GLS: variants seen among roughly 807,000 people sequenced by gnomAD.
GLS encodes the protein glutaminase.
In GLS, 36 loss-of-function variants were observed where a neutral mutation model predicts 86.7. The ratio of observed to expected loss-of-function variants is 0.42; its 90% CI spans 0.32 to 0.55. The LOEUF (loss-of-function observed/expected upper bound fraction) is 0.55. Ranked by LOEUF, GLS falls within the 20% of genes least tolerant of loss-of-function variation. The pLI, the probability that GLS is intolerant of heterozygous loss-of-function variation, is 0.17. For missense variants in GLS, 528 were observed against 833.4 expected (o/e 0.63, Z 4.51); for synonymous variants, 317 against 305.9 (o/e 1.04, Z -0.38).
At chr2:190,952,355 G>A (rs1052632658) in intron 14 of GLS, among the ~76,000 whole-genome samples, 11 of 152,190 alleles carry the variant, frequency 7.2e-5, no homozygotes, top group African/African-American at 2.2e-4. Flanking sequence ...CTGTACTGCA[G>A]ACCTTTACAG....
chr2:190,902,410 T>G (rs182117141), intron 5 of GLS, among the ~76,000 whole-genome samples: 1 of 152,302 alleles, frequency 6.6e-6, no homozygotes, highest in Non-Finnish European at 1.5e-5. Flanking sequence ...TCTTTGTTCC[T>G]TGTGTTCCTG....
chr2:190,930,870 A>G lies in GLS; in HGVS notation c.1557+302A>G, dbSNP rs1690087465. Among the ~76,000 whole-genome samples the G allele has an allele frequency of 6.6e-6, 1 of 152,244 alleles. No individual in the cohort carries two copies. The highest frequency in any genetic ancestry group is 2.4e-5 in the African/African-American group (1 of 41,474). The stretch of plus-strand genomic sequence containing the variant: ...TATTAAACTTGGAGAAGTAATTTAA[A>G]AGCCAGTATATCTTAAGAATTATTT... On this transcript the variant is annotated intron_variant, in intron 13 of 17. Coordinates refer to ENST00000320717, the MANE Select transcript of GLS (RefSeq NM_014905.5). This position sits in a 1 kb window ranked among gnomAD's most constrained non-coding sequence, Gnocchi z 5.0.
At chr2:190,900,081 T>C (rs773148079) in intron 3 of GLS, among the ~76,000 whole-genome samples, 1 of 152,162 alleles carries the variant, frequency 6.6e-6, no homozygotes, top group Non-Finnish European at 1.5e-5. Context: ...AAAGTTGATA[T>C]AATTAAGGAA....
Position 190,956,096 on chromosome 2 carries a change from C to T in GLS, c.1853+1278C>T, listed in dbSNP as rs1271858539. Among the ~76,000 whole-genome samples the T allele has an allele frequency of 6.6e-6, 1 of 152,144 alleles. No homozygotes were observed. Among genetic ancestry groups the T allele is most frequent in the African/African-American group, 2.4e-5 (1 of 41,416 alleles). Reference sequence around the variant, plus strand: ...TGCCTGTTCGCCCTGATGATAGTTTCTTTTGCTGTGCAGAAGCTCTTTAGT... The same window carrying T: ...TGCCTGTTCGCCCTGATGATAGTTTTTTTTGCTGTGCAGAAGCTCTTTAGT... On this transcript the variant is annotated intron_variant, in intron 17 of 17. Coordinates refer to ENST00000320717, the MANE Select transcript of GLS (RefSeq NM_014905.5). This position sits in a 1 kb window ranked among gnomAD's most constrained non-coding sequence, Gnocchi z 4.2.
At position 190,951,637 on chromosome 2, in the gene GLS, TTCTG is replaced by T. The variant is rs1319808932; in HGVS notation, c.1651-1922_1651-1919del. On this transcript the variant is annotated intron_variant, in intron 14 of 17. Transcript: ENST00000320717. This position sits in a 1 kb window ranked among gnomAD's most constrained non-coding sequence, Gnocchi z 4.2. ...TTTTAGCAAAGTTGTAGTTAGGATC[TTCTG>T]TCTGTTTTTAGGGGTCTCCACTGGT... Among the ~76,000 whole-genome samples, 1 of 152,192 alleles carries T rather than the reference TTCTG, an allele frequency of 6.6e-6. No homozygotes were observed. The highest frequency in any genetic ancestry group is 1.5e-5 in the Non-Finnish European group (1 of 68,034).
rs1346399796 is a variant in GLS at position 190,954,411 on chromosome 2, G to C, written c.1713-173G>C. ...CAAAGCTGAGGAAGAGAGGTGAAGT[G>C]GCATCTACCCAAAACACCTGTGTAC... On this transcript the variant is annotated intron_variant, in intron 15 of 17. Coordinates refer to ENST00000320717, the MANE Select transcript of GLS (RefSeq NM_014905.5). The surrounding 1 kb of genome is among the most constrained non-coding windows in gnomAD (Gnocchi z 4.0). Among the ~76,000 whole-genome samples, 1 of 152,114 alleles carries C rather than the reference G, an allele frequency of 6.6e-6. No individual in the cohort carries two copies. The highest frequency in any genetic ancestry group is 1.5e-5 in the Non-Finnish European group (1 of 68,024).
chr2:190,923,925 C>T lies in GLS; in HGVS notation c.1139C>T (p.Ser380Phe). ...YVGFSNATFQ[S>F]ERESGDRNFA... ...TTTTTTTCTTCTTCCAGGTTTCAGTCTGAAAGAGAAAGTGGAGATCGAAAT... is the reference window on the plus strand; with the variant it reads ...TTTTTTTCTTCTTCCAGGTTTCAGTTTGAAAGAGAAAGTGGAGATCGAAAT... The change falls in exon 10 of 18, where the codon TCT becomes TTT. Residue 380 changes from serine to phenylalanine, a missense_variant. Transcript: ENST00000320717. The T allele has an allele frequency of 6.4e-7, 1 of 1,562,002 alleles. No homozygotes were observed. The highest frequency in any genetic ancestry group is 8.8e-7 in the Non-Finnish European group (1 of 1,141,052).
chr2:190,957,954 A>G (rs1003209152), intron 17 of GLS, among the ~76,000 whole-genome samples: 1 of 151,954 alleles, frequency 6.6e-6, no homozygotes, highest in African/African-American at 2.4e-5. Context: ...TTCTTTTTCT[A>G]TTGTTTGGAA....
intron 9 of GLS, among the ~76,000 whole-genome samples, chr2:190,923,363 A>G (rs557594707): frequency 6.6e-6 from 1 of 152,154 alleles, no homozygotes; most frequent in Admixed American, 6.5e-5. Context: ...GTTACATCAG[A>G]ATATTTGCCA....
Position 190,949,630 on chromosome 2 carries a change from TTGTA to T in GLS, c.1651-3932_1651-3929del, listed in dbSNP as rs1434819724. ...ATCACTTGAACCCGAGAGGCGAAGG[TTGTA>T]TGAGCCGAGATCTTGCCACTGCACT... On this transcript the variant is annotated intron_variant, in intron 14 of 17. Coordinates refer to ENST00000320717, the MANE Select transcript of GLS (RefSeq NM_014905.5). The surrounding 1 kb of genome is among the most constrained non-coding windows in gnomAD (Gnocchi z 4.0). 6.6e-6 allele frequency among the ~76,000 whole-genome samples: 1 copy of T among 151,906 alleles called. No homozygotes were observed. The highest frequency in any genetic ancestry group is 2.4e-5 in the African/African-American group (1 of 41,350).
At chr2:190,925,775 C>T (rs542826270) in intron 11 of GLS, among the ~76,000 whole-genome samples, 2 of 152,238 alleles carry the variant, frequency 1.3e-5, no homozygotes, top group South Asian at 4.1e-4. Context: ...TCCAGACCAT[C>T]AATATAAAAT....
chr2:190,882,212 AG>A (rs1379917439), intron 1 of GLS, among the ~76,000 whole-genome samples: 1 of 152,214 alleles, frequency 6.6e-6, no homozygotes, highest in Non-Finnish European at 1.5e-5. Context: ...TAGAAATAAA[AG>A]TTAAATAGCC....
Position 190,913,992 on chromosome 2 carries a change from A to G in GLS, c.1038+3671A>G, listed in dbSNP as rs1055340403. Among the ~76,000 whole-genome samples the G allele has an allele frequency of 3.3e-5, 5 of 152,040 alleles. No homozygotes were observed. Among genetic ancestry groups the G allele is most frequent in the African/African-American group, 1.2e-4 (5 of 41,422 alleles). ...TTCTTTATAAAGCTAGGGTCTTGCC[A>G]TATTGCCCAGGCTGGTCCCAAACTC... is the stretch of plus-strand genomic sequence containing the variant. On this transcript the variant is annotated intron_variant, in intron 7 of 17. Coordinates refer to ENST00000320717, the MANE Select transcript of GLS (RefSeq NM_014905.5). The surrounding 1 kb of genome is among the most constrained non-coding windows in gnomAD (Gnocchi z 6.1).
At chr2:190,909,592 T>G (rs1689287151) in intron 6 of GLS, among the ~76,000 whole-genome samples, 2 of 152,216 alleles carry the variant, frequency 1.3e-5, no homozygotes, top group Non-Finnish European at 2.9e-5. Context: ...ATGCAGTGAA[T>G]GAGAATATAA....
chr2:190,928,885 C>G (rs1484471799), intron 12 of GLS, among the ~76,000 whole-genome samples: 1 of 75,790 alleles, frequency 1.3e-5, no homozygotes, highest in African/African-American at 4.9e-5. Context: ...AGATCCAATT[C>G]AGGTGTGTTT....
intron 7 of GLS, among the ~76,000 whole-genome samples, chr2:190,912,561 A>G (rs1689399442): frequency 6.6e-6 from 1 of 152,076 alleles, no homozygotes; most frequent in Non-Finnish European, 1.5e-5. Flanking sequence ...AATTTAGGTA[A>G]TAAAACCATA....
At position 190,914,406 on chromosome 2, in the gene GLS, C is replaced by G. The variant is rs1210953040; in HGVS notation, c.1038+4085C>G. 6.7e-6 allele frequency among the ~76,000 whole-genome samples: 1 copy of G among 149,074 alleles called. No homozygotes were observed. The highest frequency in any genetic ancestry group is 6.7e-5 in the Admixed American group (1 of 14,926). On this transcript the variant is annotated intron_variant, in intron 7 of 17. Transcript: ENST00000320717. The surrounding 1 kb of genome is among the most constrained non-coding windows in gnomAD (Gnocchi z 4.4). ...CAGGATTATATTGGTTTATTTACTT[C>G]TTGTTTATATCAGTTTATGCTTTAG...
At chr2:190,936,657 C>G (rs1690279133) in intron 14 of GLS, among the ~76,000 whole-genome samples, 1 of 151,054 alleles carries the variant, frequency 6.6e-6, no homozygotes, top group African/African-American at 2.4e-5. Flanking sequence ...TGGGGGAACT[C>G]TGGAAAAGTG....
chr2:190,955,689 T>C lies in GLS; in HGVS notation c.1853+871T>C, dbSNP rs566748934. On this transcript the variant is annotated intron_variant, in intron 17 of 17. Transcript: ENST00000320717. This position sits in a 1 kb window ranked among gnomAD's most constrained non-coding sequence, Gnocchi z 5.6. ...AAATGGTATTTCTGGTTCTAGATCC[T>C]TGAGGAATCACCACACTGTCTTCCA... 1.3e-5 allele frequency among the ~76,000 whole-genome samples: 2 copies of C among 152,330 alleles called. No individual in the cohort carries two copies. Among genetic ancestry groups the C allele is most frequent in the South Asian group, 4.1e-4 (2 of 4,826 alleles).
Sources: gnomAD v4.1 joint callset for allele counts (sites outside exome capture counted in the v4.1 genomes callset) on GRCh38, gnomAD v4.1.1 for gene constraint, Gnocchi (gnomAD v3.1) non-coding constraint, MANE v1.5 for transcripts, NCBI Gene and HGNC (gene_info 2026-07-23, HGNC 2026-07-21) for gene names.